Variants in PSG11 observed in about 807,000 individuals in gnomAD.
PSG11 encodes the protein pregnancy-specific beta-1-glycoprotein 11.
Under a neutral mutation model 36.0 loss-of-function variants are expected in PSG11, and 42 were observed. That is an observed-to-expected ratio of 1.17 (90% CI 0.91 to 1.51). The LOEUF (loss-of-function observed/expected upper bound fraction) is 1.51, where lower values mean the gene tolerates loss of function less well. Among genes scored for constraint, PSG11 ranks in the 40% most tolerant of loss-of-function variants. The pLI, the probability that PSG11 is intolerant of heterozygous loss-of-function variation, is 0.00. For missense variants in PSG11, 558 were observed against 403.5 expected (o/e 1.38, Z -3.28); for synonymous variants, 206 against 153.5 (o/e 1.34, Z -2.53).
intron 4 of PSG11, chr19:43,014,389 G>A (rs754578350): frequency 2.8e-5 from 26 of 937,184 alleles, no homozygotes; most frequent in Admixed American, 6.2e-5. Flanking sequence ...ACTCAGTGCT[G>A]TGTCCCACGT....
chr19:43,012,253 T>C (rs1974096636), intron 4 of PSG11, among the ~76,000 whole-genome samples: 1 of 151,454 alleles, frequency 6.6e-6, no homozygotes, highest in Non-Finnish European at 1.5e-5. Context: ...CAAGGATGCC[T>C]GCTTTTGACA....
Position 43,008,027 on chromosome 19 carries a change from CT to C in PSG11, c.*55del. ...TGTATTCAAGAGTCCTTTTCATAGT[CT>C]TTTCCATAAATCTCCTTGAAGAAAA... On this transcript the variant is annotated 3_prime_UTR_variant, in exon 6 of 6. Coordinates refer to ENST00000320078, the MANE Select transcript of PSG11 (RefSeq NM_002785.3). The C allele has an allele frequency of 2.5e-6, 1 of 394,680 alleles. No individual in the cohort carries two copies. Among genetic ancestry groups the C allele is most frequent in the Non-Finnish European group, 4.7e-6 (1 of 212,760 alleles). 24.4% of individuals were successfully genotyped at this position (394,680 alleles called of 1,614,324 possible).
At chr19:43,008,131 A>T (rs988854393) in intron 5 of PSG11, 89 bp from the exon 6 acceptor site, 1 of 316,154 alleles carries the variant, frequency 3.2e-6, no homozygotes, top group Non-Finnish European at 6.1e-6. Flanking sequence ...CAAAGATTTA[A>T]AATGACTATG....
rs151073824 is a variant in PSG11 at position 43,018,815 on chromosome 19, A to G, written c.664T>C (p.Ser222Pro). The G allele has an allele frequency of 1.9e-6, 3 of 1,612,074 alleles. No homozygotes were observed. The highest frequency in any genetic ancestry group is 2.5e-6 in the Non-Finnish European group (3 of 1,179,064). ...AGPYECEIWN[S>P]GSASRSDPVT... ...GGGTCACTGCGGCTGGCACTCCCTG[A>G]GTTCCATATTTCACATTCATAGGGT... The change falls in exon 3 of 6, where the codon TCA becomes CCA. Residue 222 changes from serine to proline, a missense_variant. Ser to Pro is a moderately conservative substitution (Grantham distance 74). Transcript: ENST00000320078.
intron 3 of PSG11, 193 bp downstream of exon 3, chr19:43,018,577 C>A: frequency 7.5e-7 from 1 of 1,326,570 alleles, no homozygotes; most frequent in Non-Finnish European, 1.0e-6. Context: ...ATGACAGGAG[C>A]AGCCTCTTTT....
intron 3 of PSG11, among the ~76,000 whole-genome samples, chr19:43,016,514 A>C (rs1447617911): frequency 1.3e-5 from 2 of 151,476 alleles, no homozygotes; most frequent in Admixed American, 6.6e-5. Context: ...CATTGTCCTG[A>C]AACCCTGAAG....
At chr19:43,021,714 G>A (rs1307253908) in intron 2 of PSG11, among the ~76,000 whole-genome samples, 14 of 151,564 alleles carry the variant, frequency 9.2e-5, no homozygotes, top group Admixed American at 3.3e-4. Flanking sequence ...TGTTAGAACC[G>A]AGTGACAAAT....
At chr19:43,019,820 A>G (rs1967060215) in intron 2 of PSG11, 1 of 151,670 alleles carries the variant, frequency 6.6e-6, no homozygotes. Context: ...GCAGGTGAGG[A>G]CCATGTGGAT....
chr19:43,015,748 ACAG>A (rs1966948065), intron 3 of PSG11: 1 of 1,604,340 alleles, frequency 6.2e-7, no homozygotes, highest in Admixed American at 1.7e-5. Flanking sequence ...GTCCTGGCCC[ACAG>A]AGGAACAAAA....
intron 2 of PSG11, among the ~76,000 whole-genome samples, chr19:43,021,914 C>G (rs1316779190): frequency 6.6e-6 from 1 of 151,402 alleles, no homozygotes; most frequent in Non-Finnish European, 1.5e-5. Context: ...ACAACAGTGA[C>G]AGCAAACTAG....
rs768041929 is a variant in PSG11, at chr19:43,024,766, A to G, written c.355T>C (p.Ser119Pro). ...CGCTTTATGATGTGTAAGGTGTAGG[A>G]TCCTGCGTCCTCCCGGGTGACATTC... ...IQNVTREDAG[S>P]YTLHIIKRGD... Residue 119 changes from serine (S) to proline (P), a missense_variant, in exon 2 of 6, where the codon TCC becomes CCC. Coordinates refer to ENST00000320078, the MANE Select transcript of PSG11 (RefSeq NM_002785.3). 27 of 1,611,842 alleles carry G rather than the reference A, an allele frequency of 1.7e-5. No individual in the cohort carries two copies. The highest frequency in any genetic ancestry group is 2.2e-5 in the Non-Finnish European group (26 of 1,179,042).
In PSG11 at chr19:43,007,732, A is replaced by T. The variant is rs1366362188; in HGVS notation, c.*351T>A. 1 of 206,656 alleles carries T rather than the reference A, an allele frequency of 4.8e-6. No homozygotes were observed. The highest frequency in any genetic ancestry group is 1.9e-4 in the South Asian group (1 of 5,216). The allele number at this position is 206,656 out of a possible 1,614,324, so 12.8% of individuals were successfully genotyped here. ...AGATTCCCAATTCTGGGGCACTCAG[A>T]GAGCAAAAGCAAATGTTTCAATTTT... On this transcript the variant is annotated 3_prime_UTR_variant, in exon 6 of 6. Coordinates refer to ENST00000320078, the MANE Select transcript of PSG11 (RefSeq NM_002785.3).
At chr19:43,025,936 CTTTTTTTTTT>C (rs1195259262) in intron 1 of PSG11, among the ~76,000 whole-genome samples, 7 of 68,150 alleles carry the variant, frequency 1.0e-4, no homozygotes, top group African/African-American at 3.9e-4. Flanking sequence ...TTTTTTTTCT[CTTTTTTTTTT>C]TTTTTTTTTT....
At chr19:43,022,411 A>G (rs1436989343) in intron 2 of PSG11, among the ~76,000 whole-genome samples, 1 of 151,196 alleles carries the variant, frequency 6.6e-6, no homozygotes, top group Non-Finnish European at 1.5e-5. Flanking sequence ...CTCCGCCCGC[A>G]TGATTCCATC....
rs757946307 is a variant in PSG11, at chr19:43,015,309, G to A, written c.771C>T (p.Leu257=). ...SVTSYYSGEN[L]DLSCFANSNP... ...TAGAGTTTGCGAAGCAGGACAAGTC[G>A]AGGTTCTCTCCTGAATAGTAAGAGG... The change falls in exon 4 of 6, where the codon CTC becomes CTT. Residue 257 remains leucine (L), a synonymous_variant. Coordinates refer to ENST00000320078, the MANE Select transcript of PSG11 (RefSeq NM_002785.3). The A allele has an allele frequency of 1.2e-5, 19 of 1,610,088 alleles. 2 individuals are homozygous for A. Among genetic ancestry groups the A allele is most frequent in the Admixed American group, 3.3e-5 (2 of 59,882 alleles).
In PSG11 at chr19:43,018,975, G is replaced by A. The variant is rs754135693; in HGVS notation, c.504C>T (p.Thr168=). Residue 168 remains threonine (T), a synonymous_variant, in exon 3 of 6, where the codon ACC becomes ACT. Coordinates refer to ENST00000320078, the MANE Select transcript of PSG11 (RefSeq NM_002785.3). ...PREAMETVIL[T]CNPETPDASY... The stretch of plus-strand genomic sequence containing the variant: ...TTGCGTCCGGAGTCTCAGGATTACA[G>A]GTTAAGATCACAGTCTCCATGGCCT... The A allele has an allele frequency of 6.2e-7, 1 of 1,612,098 alleles. No individual in the cohort carries two copies. Among genetic ancestry groups the A allele is most frequent in the Non-Finnish European group, 8.5e-7 (1 of 1,179,144 alleles).
At chr19:43,017,343 T>G (rs1195613773) in intron 3 of PSG11, 2 of 151,556 alleles carry the variant, frequency 1.3e-5, no homozygotes, top group Non-Finnish European at 2.9e-5. Flanking sequence ...AGAATTTCTT[T>G]TCAGCATCAG....
rs772848509 is a variant in PSG11 at position 43,013,874 on chromosome 19, T to C, written c.964+1242A>G. 1.5e-4 allele frequency among the ~76,000 whole-genome samples: 23 copies of C among 151,396 alleles called. 1 individual carries two copies. The highest frequency in any genetic ancestry group is 4.4e-5 in the Non-Finnish European group (3 of 67,894). The stretch of plus-strand genomic sequence containing the variant: ...CCAAAAAATGGAAACAACTGAAAAG[T>C]CCATTGAAAGATAAGTGTGTAGGCA... On this transcript the variant is annotated intron_variant, in intron 4 of 5. Coordinates refer to ENST00000320078, the MANE Select transcript of PSG11 (RefSeq NM_002785.3).
rs990637410 is a variant in PSG11 at position 43,020,121 on chromosome 19, G to A, written c.431-1073C>T. On this transcript the variant is annotated intron_variant, in intron 2 of 5. Coordinates refer to ENST00000320078, the MANE Select transcript of PSG11 (RefSeq NM_002785.3). ...AGGGGAATTGGGTGTTGTTCCGTGG[G>A]TGTGCGGTTTCAGTTATGCAGGACG... 2.6e-5 allele frequency among the ~76,000 whole-genome samples: 4 copies of A among 151,430 alleles called. 1 individual carries two copies. Among genetic ancestry groups the A allele is most frequent in the African/African-American group, 9.7e-5 (4 of 41,030 alleles).
Sources: gnomAD v4.1 joint callset for allele counts (sites outside exome capture counted in the v4.1 genomes callset) on GRCh38, gnomAD v4.1.1 for gene constraint, MANE v1.5 for transcripts, NCBI Gene and HGNC (gene_info 2026-07-23, HGNC 2026-07-21) for gene names.